Variants in TRIO observed in about 807,000 individuals in gnomAD.
TRIO encodes trio Rho guanine nucleotide exchange factor.
Under a neutral mutation model 351.9 loss-of-function variants are expected in TRIO, and 58 were observed. The ratio of observed to expected loss-of-function variants is 0.16; its 90% CI spans 0.13 to 0.21. The LOEUF (loss-of-function observed/expected upper bound fraction) is 0.21, where lower values mean the gene tolerates loss of function less well. Ranked by LOEUF, TRIO falls within the 10% of genes least tolerant of loss-of-function variation. The probability of loss-of-function intolerance (pLI) is 1.00; values close to 1 mark genes in which losing one functional copy is unlikely to be tolerated. For missense variants in TRIO, 3,201 were observed against 4,027.8 expected (o/e 0.79, Z 5.56); for synonymous variants, 1,758 against 1,595.7 (o/e 1.10, Z -2.42).
At chr5:14,430,970 C>T (rs1751066995) in intron 34 of TRIO, among the ~76,000 whole-genome samples, 1 of 152,196 alleles carries the variant, frequency 6.6e-6, no homozygotes, top group Non-Finnish European at 1.5e-5. Context: ...CCTCGACTTC[C>T]CAAAGTGCTG....
intron 1 of TRIO, among the ~76,000 whole-genome samples, chr5:14,157,355 G>C (rs1464644794): frequency 6.6e-6 from 1 of 151,962 alleles, no homozygotes; most frequent in African/African-American, 2.4e-5. Context: ...TTCATTTGCT[G>C]TTCTGTATTT....
chr5:14,373,991 G>C (rs1745344528), intron 18 of TRIO, among the ~76,000 whole-genome samples: 1 of 152,166 alleles, frequency 6.6e-6, no homozygotes, highest in South Asian at 2.1e-4. Context: ...TCTGTTTCCT[G>C]CCCCATGGGC....
At chr5:14,384,416 G>A (rs578195639) in intron 21 of TRIO, among the ~76,000 whole-genome samples, 13 of 152,190 alleles carry the variant, frequency 8.5e-5, no homozygotes, top group East Asian at 3.9e-4. Context: ...CCAGTTCCTC[G>A]ATTATGCCTA....
chr5:14,312,817 A>G (rs1316548282), intron 8 of TRIO, among the ~76,000 whole-genome samples: 2 of 152,320 alleles, frequency 1.3e-5, no homozygotes, highest in East Asian at 1.9e-4. Context: ...CTCTTCTTTC[A>G]TTAATTTTCT....
chr5:14,409,791 G>T (rs1275851716), intron 33 of TRIO, among the ~76,000 whole-genome samples: 1 of 147,738 alleles, frequency 6.8e-6, no homozygotes, highest in Admixed American at 6.7e-5. Context: ...GCCAAGATCA[G>T]GCCACTGCAC....
At chr5:14,147,027 C>T (rs796627321) in intron 1 of TRIO, among the ~76,000 whole-genome samples, 1 of 152,306 alleles carries the variant, frequency 6.6e-6, no homozygotes, top group African/African-American at 2.4e-5. Flanking sequence ...TAATGTGAGT[C>T]AAGTCCTGGT....
chr5:14,210,062 G>C (rs1232240878), intron 1 of TRIO, among the ~76,000 whole-genome samples: 1 of 152,208 alleles, frequency 6.6e-6, no homozygotes, highest in African/African-American at 2.4e-5. Context: ...AGCCCAGCTG[G>C]GGCCACAACT....
chr5:14,425,582 T>C (rs1344646091), intron 34 of TRIO, among the ~76,000 whole-genome samples: 4 of 152,184 alleles, frequency 2.6e-5, no homozygotes, highest in African/African-American at 9.7e-5. Flanking sequence ...AGAAATGCAA[T>C]TGATGGATCA....
intron 1 of TRIO, among the ~76,000 whole-genome samples, chr5:14,173,190 CTTTTTTT>C (rs758636385): frequency 4.5e-4 from 30 of 66,496 alleles, no homozygotes; most frequent in Middle Eastern, 9.8e-3. Context: ...TTGTATGTTC[CTTTTTTT>C]TTTTTTTTTT....
intron 1 of TRIO, among the ~76,000 whole-genome samples, chr5:14,165,709 G>A (rs1300928167): frequency 1.3e-5 from 2 of 152,140 alleles, no homozygotes; most frequent in East Asian, 3.9e-4. Flanking sequence ...AAGGGATGTA[G>A]CCCTTCGCAG....
chr5:14,415,841 C>T (rs1749598932), intron 33 of TRIO, among the ~76,000 whole-genome samples: 2 of 151,990 alleles, frequency 1.3e-5, no homozygotes, highest in African/African-American at 4.8e-5. Context: ...CCAATTAAGG[C>T]TGTTTTGTTG....
At chr5:14,163,510 A>G (rs866752542) in intron 1 of TRIO, among the ~76,000 whole-genome samples, 33 of 152,316 alleles carry the variant, frequency 2.2e-4, no homozygotes, top group Non-Finnish European at 2.9e-4. Flanking sequence ...GGCCAACTAA[A>G]GGGTATTTTC....
Position 14,363,758 on chromosome 5 carries a change from T to C in TRIO, c.2418T>C (p.Asn806=), listed in dbSNP as rs779857858. The C allele has an allele frequency of 1.9e-6, 3 of 1,614,128 alleles. No individual in the cohort carries two copies. The highest frequency in any genetic ancestry group is 1.1e-5 in the South Asian group (1 of 91,082). The change falls in exon 14 of 57, where the codon AAT becomes AAC. Residue 806 remains asparagine, a synonymous_variant. Transcript: ENST00000344204. ...TTATCTCAGACCTCGAGTCTTGGAA[T>C]GATGAGCTTTCTCAGCAAATGAATG... ...IDIISDLESW[N]DELSQQMNDF...
intron 33 of TRIO, among the ~76,000 whole-genome samples, chr5:14,411,369 C>T (rs1416467185): frequency 1.3e-5 from 2 of 152,146 alleles, no homozygotes; most frequent in Non-Finnish European, 2.9e-5. Context: ...TAGAACAAAG[C>T]ATCTTGAGGC....
chr5:14,236,954 G>A (rs1238269340), intron 1 of TRIO, among the ~76,000 whole-genome samples: 1 of 152,162 alleles, frequency 6.6e-6, no homozygotes, highest in African/African-American at 2.4e-5. Flanking sequence ...CCACAGGGAA[G>A]CTTCTCAGCC....
intron 1 of TRIO, among the ~76,000 whole-genome samples, chr5:14,145,869 C>T (rs1027066214): frequency 8.5e-5 from 13 of 152,296 alleles, no homozygotes; most frequent in African/African-American, 3.1e-4. Flanking sequence ...GCCTGTGCTG[C>T]CCCCGCCGCC....
At position 14,270,912 on chromosome 5, in the gene TRIO, T is replaced by C. The variant is rs760189319; in HGVS notation, c.232+13T>C. On this transcript the variant is annotated intron_variant, in intron 2 of 56. Coordinates refer to ENST00000344204, the MANE Select transcript of TRIO (RefSeq NM_007118.4). The stretch of plus-strand genomic sequence containing the variant: ...GCATACCTTTCAGGTAAAGTTTAAC[T>C]TTCAACTCTGCTCTATCCAACTGCT... 1.3e-6 allele frequency: 2 copies of C among 1,598,124 alleles called. No homozygotes were observed. Among genetic ancestry groups the C allele is most frequent in the Non-Finnish European group, 8.6e-7 (1 of 1,165,712 alleles).
Position 14,304,537 on chromosome 5 carries a change from A to C in TRIO, c.1445A>C (p.Asp482Ala), listed in dbSNP as rs774362448. 4 of 1,614,164 alleles carry C rather than the reference A, an allele frequency of 2.5e-6. No individual in the cohort carries two copies. Among genetic ancestry groups the C allele is most frequent in the Non-Finnish European group, 8.5e-7 (1 of 1,180,014 alleles). The change falls in exon 8 of 57, where the codon GAT becomes GCT. Residue 482 changes from aspartate to alanine, a missense_variant. Transcript: ENST00000344204. Reference sequence around the variant, plus strand: ...CCCTCAGAGCTGCAGGACCTAGAAGATGCCATTCATCACCACCAGGGAATA... The same window carrying C: ...CCCTCAGAGCTGCAGGACCTAGAAGCTGCCATTCATCACCACCAGGGAATA... The part of the protein sequence containing the change: ...DLPSELQDLE[D>A]AIHHHQGIYE...
At chr5:14,258,867 C>T (rs1795176731) in intron 1 of TRIO, among the ~76,000 whole-genome samples, 1 of 152,220 alleles carries the variant, frequency 6.6e-6, no homozygotes, top group Non-Finnish European at 1.5e-5. Flanking sequence ...ATTAGCTGTG[C>T]CGTGTCATTT....
Sources: allele counts gnomAD v4.1 joint callset (sites outside exome capture counted in the v4.1 genomes callset), GRCh38; gene constraint gnomAD v4.1.1; transcripts MANE v1.5; gene names NCBI Gene and HGNC (gene_info 2026-07-23, HGNC 2026-07-21).